The following RBFOX1 variants were observed in gnomAD, a reference collection of about 807,000 sequenced individuals.
The protein encoded by RBFOX1 is RNA binding protein fox-1 homolog 1.
Under a neutral mutation model 57.7 loss-of-function variants are expected in RBFOX1, and 8 were observed. That is an observed-to-expected ratio of 0.14 (90% confidence interval 0.08 to 0.25). The LOEUF is 0.25. RBFOX1 is among the 10% of genes least tolerant of loss of function. RBFOX1 has a pLI of 1.00. For missense variants in RBFOX1, 611 were observed against 548.5 expected (o/e 1.11, Z -1.14); for synonymous variants, 326 against 222.4 (o/e 1.47, Z -4.15).
intron 4 of RBFOX1, among the ~76,000 whole-genome samples, chr16:7,409,281 C>T (rs1036978719): frequency 4.6e-5 from 7 of 152,178 alleles, no homozygotes; most frequent in Non-Finnish European, 7.3e-5. Context: ...GTCCGATCTG[C>T]CTGTAGCTTT....
intron 2 of RBFOX1, among the ~76,000 whole-genome samples, chr16:6,488,012 C>T (rs894893170): frequency 2.0e-5 from 3 of 152,084 alleles, no homozygotes; most frequent in Non-Finnish European, 4.4e-5. Flanking sequence ...CAGATATACA[C>T]TCAAAAAGCT....
intron 15 of RBFOX1, chr16:7,710,195 G>T (rs887274): frequency 9.7e-7 from 1 of 1,028,120 alleles, no homozygotes; most frequent in Non-Finnish European, 1.2e-6. Flanking sequence ...TAAGAAGTAG[G>T]TTGAGATTTT....
At chr16:6,060,349 A>T (rs755825299) in intron 1 of RBFOX1, among the ~76,000 whole-genome samples, 1 of 152,002 alleles carries the variant, frequency 6.6e-6, no homozygotes, top group African/African-American at 2.4e-5. Flanking sequence ...TTACAGTGAG[A>T]TTTAAATGAG....
intron 4 of RBFOX1, among the ~76,000 whole-genome samples, chr16:7,484,229 C>T (rs1884732114): frequency 6.6e-6 from 1 of 152,126 alleles, no homozygotes; most frequent in Non-Finnish European, 1.5e-5. Context: ...TGTGTTTATC[C>T]ATTCACCAGA....
intron 1 of RBFOX1, among the ~76,000 whole-genome samples, chr16:6,087,356 TTA>T (rs80048104): frequency 6.4e-4 from 96 of 150,330 alleles, no homozygotes; most frequent in African/African-American, 1.8e-3. Flanking sequence ...TCTTTAACGT[TTA>T]TATATATATA....
intron 1 of RBFOX1, among the ~76,000 whole-genome samples, chr16:5,341,703 A>C (rs1192503424): frequency 6.6e-6 from 1 of 152,212 alleles, no homozygotes; most frequent in Non-Finnish European, 1.5e-5. Flanking sequence ...ATTTTGCCCT[A>C]GGTCCATGCA....
intron 3 of RBFOX1, among the ~76,000 whole-genome samples, chr16:6,800,335 G>C (rs1410088802): frequency 6.6e-6 from 1 of 152,134 alleles, no homozygotes; most frequent in African/African-American, 2.4e-5. Context: ...CCAAAAGTCA[G>C]GGCTACCTAT....
At chr16:5,270,866 G>A (rs1262195687) in intron 1 of RBFOX1, 2 of 414,570 alleles carry the variant, frequency 4.8e-6, no homozygotes, top group Non-Finnish European at 9.1e-6. Flanking sequence ...GGTGAAGGTA[G>A]TAGTTCTGGA....
rs148688033 is a variant in RBFOX1, at chr16:6,937,397, T to C, written c.-15-114660T>C. ...GTATTTTAGGAAAGTCTTATTAATG[T>C]AGACTTTTTTTTTATAGTTTTCTAT... On this transcript the variant is annotated intron_variant, in intron 3 of 15. Transcript: ENST00000550418. Among the ~76,000 whole-genome samples, 263 of 152,054 alleles carry C rather than the reference T, an allele frequency of 1.7e-3. 1 individual carries two copies. The highest frequency in any genetic ancestry group is 5.9e-3 in the African/African-American group (242 of 41,352).
intron 2 of RBFOX1, among the ~76,000 whole-genome samples, chr16:6,549,943 C>T (rs938684167): frequency 1.3e-5 from 2 of 152,154 alleles, no homozygotes; most frequent in African/African-American, 4.8e-5. Context: ...TTCACAGATG[C>T]TTTCTTTGGC....
At chr16:6,427,020 A>G (rs1468427781) in intron 2 of RBFOX1, among the ~76,000 whole-genome samples, 1 of 152,192 alleles carries the variant, frequency 6.6e-6, no homozygotes, top group East Asian at 1.9e-4. Flanking sequence ...CTATGGCATG[A>G]ACTCCTGTGT....
chr16:5,876,054 A>AG (rs1168422710), intron 4 of RBFOX1, among the ~76,000 whole-genome samples: 2 of 152,052 alleles, frequency 1.3e-5, no homozygotes, highest in Non-Finnish European at 2.9e-5. Flanking sequence ...CGTGTTAGCC[A>AG]GGGTAGTCTT....
chr16:5,498,247 G>A (rs1210341669), intron 2 of RBFOX1, among the ~76,000 whole-genome samples: 1 of 152,170 alleles, frequency 6.6e-6, no homozygotes, highest in Non-Finnish European at 1.5e-5. Context: ...CGTTCAAGCA[G>A]TTCTCCTGCT....
chr16:7,142,160 A>G lies in RBFOX1; in HGVS notation c.27+90062A>G, dbSNP rs754412810. On this transcript the variant is annotated intron_variant, in intron 4 of 15. Coordinates refer to ENST00000550418, the MANE Select transcript of RBFOX1 (RefSeq NM_018723.4). ...CACCTCAGCCTCCCAAGTAGCTGGG[A>G]CTGCGAGCACACACCACCACACCTG... Among the ~76,000 whole-genome samples the G allele has an allele frequency of 5.9e-5, 9 of 152,038 alleles. 1 individual carries two copies. Among genetic ancestry groups the G allele is most frequent in the Non-Finnish European group, 1.3e-4 (9 of 67,994 alleles).
chr16:7,662,446 C>A (rs557058014), intron 12 of RBFOX1, among the ~76,000 whole-genome samples: 1 of 152,282 alleles, frequency 6.6e-6, no homozygotes, highest in African/African-American at 2.4e-5. Flanking sequence ...AAAGCAATGA[C>A]TCAATCTCCT....
intron 2 of RBFOX1, among the ~76,000 whole-genome samples, chr16:5,567,401 G>T (rs1162884243): frequency 6.6e-6 from 1 of 152,090 alleles, no homozygotes; most frequent in African/African-American, 2.4e-5. Context: ...ATAGTAATAA[G>T]TCTGAACACA....
intron 4 of RBFOX1, among the ~76,000 whole-genome samples, chr16:7,151,285 T>C (rs923610905): frequency 1.2e-4 from 18 of 152,232 alleles, no homozygotes; most frequent in African/African-American, 4.1e-4. Flanking sequence ...AGAATGGTTC[T>C]GATTACAGTC....
At chr16:6,497,085 C>T (rs938474602) in intron 2 of RBFOX1, among the ~76,000 whole-genome samples, 3 of 152,184 alleles carry the variant, frequency 2.0e-5, no homozygotes, top group Non-Finnish European at 2.9e-5. Flanking sequence ...AAGTCATTGT[C>T]TCCATTTTAC....
At chr16:6,084,326 C>T (rs904362613) in intron 1 of RBFOX1, among the ~76,000 whole-genome samples, 1 of 152,176 alleles carries the variant, frequency 6.6e-6, no homozygotes, top group East Asian at 1.9e-4. Context: ...TCACGGCAGC[C>T]TCGACCTCCC....
Sources: gnomAD v4.1 joint callset for allele counts (sites outside exome capture counted in the v4.1 genomes callset) on GRCh38, gnomAD v4.1.1 for gene constraint, MANE v1.5 for transcripts, NCBI Gene and HGNC (gene_info 2026-07-23, HGNC 2026-07-21) for gene names.